The following INSL6 variants were observed in gnomAD, a reference collection of about 807,000 sequenced individuals.
The protein encoded by INSL6 is insulin like 6.
A neutral mutation model predicts 9.4 loss-of-function variants in INSL6; 16 were observed. The observed-to-expected ratio is 1.70, with a 90% CI of 1.15 to 2.59. The LOEUF is 2.59. INSL6 is among the 30% of genes most tolerant of loss of function. The pLI is 0.00. For synonymous variants in INSL6, 154 were observed against 96.9 expected (o/e 1.59, Z -3.46); for missense variants, 391 against 257.3 (o/e 1.52, Z -3.56).
intron 1 of INSL6, among the ~76,000 whole-genome samples, chr9:5,175,328 C>T (rs1371266307): frequency 6.6e-6 from 1 of 152,130 alleles, no homozygotes; most frequent in Non-Finnish European, 1.5e-5. Context: ...ACTATCTTCA[C>T]TTCTATCATC....
At chr9:5,005,113 T>TAGG in the INSL6 span, among the ~76,000 whole-genome samples, 2 of 79,464 alleles carry the variant, frequency 2.5e-5, no homozygotes, top group African/African-American at 8.8e-5. Flanking sequence ...TTTTTTTTTT[T>TAGG]TTTTTTTTTT....
At chr9:5,073,291 G>A in the INSL6 span, among the ~76,000 whole-genome samples, 2 of 152,182 alleles carry the variant, frequency 1.3e-5, no homozygotes, top group Admixed American at 6.5e-5. Context: ...CAGATGTCGT[G>A]ATATTTTATC....
chr9:5,087,539 T>C, the INSL6 span, among the ~76,000 whole-genome samples: 2 of 152,222 alleles, frequency 1.3e-5, no homozygotes, highest in Non-Finnish European at 2.9e-5. Flanking sequence ...CTTAAATCTT[T>C]CTTTTCGCTG....
chr9:5,051,033 G>A, the INSL6 span, among the ~76,000 whole-genome samples: 3 of 152,240 alleles, frequency 2.0e-5, no homozygotes, highest in South Asian at 2.1e-4. Context: ...TACCAGTTGA[G>A]CACCCCTAAT....
the INSL6 span, among the ~76,000 whole-genome samples, chr9:5,062,212 C>T: frequency 1.3e-5 from 2 of 151,802 alleles, no homozygotes; most frequent in Non-Finnish European, 2.9e-5. Flanking sequence ...TGACATTTTG[C>T]ATATATGGGT....
chr9:5,033,669 C>A, the INSL6 span, among the ~76,000 whole-genome samples: 1 of 152,100 alleles, frequency 6.6e-6, no homozygotes, highest in African/African-American at 2.4e-5. Context: ...GAAATAAAAT[C>A]CTTTACAGAC....
intron 2 of INSL6, among the ~76,000 whole-genome samples, chr9:5,154,375 A>T (rs545836119): frequency 6.6e-6 from 1 of 152,318 alleles, no homozygotes; most frequent in Non-Finnish European, 1.5e-5. Flanking sequence ...AAACTGTAGA[A>T]GAAAACCTAG....
At chr9:5,151,450 G>A (rs1489359988) in intron 2 of INSL6, among the ~76,000 whole-genome samples, 3 of 150,206 alleles carry the variant, frequency 2.0e-5, no homozygotes, top group Non-Finnish European at 4.4e-5. Context: ...TGTTTGTGTG[G>A]TTTATAATGC....
At chr9:5,178,130 C>G (rs1409956942) in intron 1 of INSL6, among the ~76,000 whole-genome samples, 1 of 152,232 alleles carries the variant, frequency 6.6e-6, no homozygotes, top group Non-Finnish European at 1.5e-5. Flanking sequence ...CCGCCTTGGC[C>G]TCCCAAAGTG....
the INSL6 span, among the ~76,000 whole-genome samples, chr9:5,017,740 T>C: frequency 1.3e-5 from 2 of 152,242 alleles, no homozygotes; most frequent in Non-Finnish European, 2.9e-5. Context: ...AAGTTGCATA[T>C]CCAGTTGCAG....
At chr9:5,087,510 A>G in the INSL6 span, among the ~76,000 whole-genome samples, 2 of 127,962 alleles carry the variant, frequency 1.6e-5, no homozygotes, top group African/African-American at 7.1e-5. Context: ...TCCTATCTCA[A>G]ACCCTTCTGG....
the INSL6 span, among the ~76,000 whole-genome samples, chr9:5,117,975 T>C: frequency 1.3e-5 from 2 of 152,246 alleles, no homozygotes; most frequent in African/African-American, 4.8e-5. Context: ...CATTTTTAAA[T>C]TGATAGCTAA....
At chr9:5,167,422 T>C (rs1235961523) in intron 1 of INSL6, among the ~76,000 whole-genome samples, 1 of 152,148 alleles carries the variant, frequency 6.6e-6, no homozygotes, top group Non-Finnish European at 1.5e-5. Context: ...CAGTCCACCG[T>C]TTTCCCCTAC....
the INSL6 span, chr9:5,099,814 C>G: frequency 6.6e-6 from 1 of 152,196 alleles, no homozygotes; most frequent in Non-Finnish European, 1.5e-5. Flanking sequence ...CCTCCTTGGG[C>G]TTCTACCCCA....
At chr9:5,022,114 C>T in the INSL6 span, 2 of 1,613,890 alleles carry the variant, frequency 1.2e-6, no homozygotes, top group Non-Finnish European at 1.7e-6. Context: ...TCAGGTGTAT[C>T]TTTACCATTC....
chr9:5,056,100 CCT>C, the INSL6 span, among the ~76,000 whole-genome samples: 1 of 151,968 alleles, frequency 6.6e-6, no homozygotes, highest in African/African-American at 2.4e-5. Context: ...AATGCTCACC[CCT>C]GACTAAAATA....
intron 2 of INSL6, among the ~76,000 whole-genome samples, chr9:5,135,979 G>A (rs1033302894): frequency 9.2e-5 from 14 of 151,912 alleles, no homozygotes; most frequent in African/African-American, 2.7e-4. Context: ...AACTACCATC[G>A]GGAATACTAT....
rs1291666506 is a variant in INSL6, at chr9:5,132,543, TTC to T, written c.*10+880_*10+881del. Among the ~76,000 whole-genome samples, 3 of 145,164 alleles carry T rather than the reference TTC, an allele frequency of 2.1e-5. No individual in the cohort carries two copies. The East Asian group carries it at 5.8e-4, about 28-fold the overall frequency. ...AATCAGATTCTTAGTAAAACATTTT[TTC>T]TTTTTCTTAAAAAAAAAAAAGACTA... On this transcript the variant is annotated intron_variant, in intron 3 of 3. Transcript: ENST00000649639.
chr9:5,118,591 A>T, the INSL6 span, among the ~76,000 whole-genome samples: 2 of 152,160 alleles, frequency 1.3e-5, no homozygotes, highest in Admixed American at 6.5e-5. Context: ...CCTCGGATGA[A>T]TATTATTTAT....
Sources: allele counts gnomAD v4.1 joint callset (sites outside exome capture counted in the v4.1 genomes callset), GRCh38; gene constraint gnomAD v4.1.1; transcripts MANE v1.5; gene names NCBI Gene and HGNC (gene_info 2026-07-23, HGNC 2026-07-21).